The following GRM1 variants were observed in gnomAD, a reference collection of about 807,000 sequenced individuals.
The protein encoded by GRM1 is glutamate metabotropic receptor 1, also known as metabotropic glutamate receptor 1.
A neutral mutation model predicts 90.9 loss-of-function variants in GRM1; 33 were observed. That is an observed-to-expected ratio of 0.36 (90% CI 0.28 to 0.49). The LOEUF is 0.49. GRM1 is among the 20% of genes least tolerant of loss of function. The pLI, the probability that GRM1 is intolerant of heterozygous loss-of-function variation, is 0.99. For synonymous variants in GRM1, 700 were observed against 613.2 expected (o/e 1.14, Z -2.09); for missense variants, 1,190 against 1,534.3 (o/e 0.78, Z 3.75).
At chr6:146,351,288 A>C (rs953561710) in intron 3 of GRM1, among the ~76,000 whole-genome samples, 2 of 152,266 alleles carry the variant, frequency 1.3e-5, no homozygotes, top group Non-Finnish European at 2.9e-5. Flanking sequence ...ACCCCCTACT[A>C]TCAGTCAAAT....
At chr6:146,083,143 T>C (rs1776420760) in intron 1 of GRM1, among the ~76,000 whole-genome samples, 1 of 152,186 alleles carries the variant, frequency 6.6e-6, no homozygotes, top group African/African-American at 2.4e-5. Context: ...TGGGCTGAGA[T>C]GATGGTGTTT....
chr6:146,317,993 A>C (rs1019074585), intron 3 of GRM1, among the ~76,000 whole-genome samples: 1 of 152,196 alleles, frequency 6.6e-6, no homozygotes, highest in Non-Finnish European at 1.5e-5. Context: ...GGAATCTTTA[A>C]AATTTTAAAC....
rs1778630309 is a variant in GRM1, at chr6:146,437,505, T to C, written c.*2709T>C. 1 of 152,660 alleles carries C rather than the reference T, an allele frequency of 6.6e-6. No individual in the cohort carries two copies. The highest frequency in any genetic ancestry group is 2.4e-5 in the African/African-American group (1 of 41,464). The allele number at this position is 152,660 out of a possible 1,614,324, so 9.5% of individuals were successfully genotyped here. A position where few individuals can be genotyped will look rare whatever the true frequency, so the allele number is the denominator to read the frequency against. On this transcript the variant is annotated 3_prime_UTR_variant, in exon 8 of 8. Transcript: ENST00000282753. The stretch of plus-strand genomic sequence containing the variant: ...TTGATGTATGTTCTGATACAAGTTG[T>C]TCAGCTTCTTGTAAATGTGTTTTCC...
chr6:146,285,431 A>G (rs544640388), intron 2 of GRM1, among the ~76,000 whole-genome samples: 34 of 152,304 alleles, frequency 2.2e-4, no homozygotes, highest in Admixed American at 1.5e-3. Flanking sequence ...CCTGTAGTCT[A>G]GACTGATTTG....
chr6:146,293,703 C>T (rs1451403378), intron 2 of GRM1, among the ~76,000 whole-genome samples: 1 of 151,682 alleles, frequency 6.6e-6, no homozygotes, highest in East Asian at 1.9e-4. Context: ...GTTCTATGAA[C>T]ACTTGTTAAA....
intron 1 of GRM1, among the ~76,000 whole-genome samples, chr6:146,134,895 G>A (rs572896792): frequency 1.3e-5 from 2 of 152,062 alleles, no homozygotes; most frequent in Admixed American, 1.3e-4. Flanking sequence ...GGCACCACTG[G>A]ACTCCAGTCT....
intron 1 of GRM1, among the ~76,000 whole-genome samples, chr6:146,125,063 A>G (rs1432810717): frequency 6.6e-6 from 1 of 152,114 alleles, no homozygotes; most frequent in African/African-American, 2.4e-5. Flanking sequence ...TGTCACTCCA[A>G]ATAGGTTTGA....
At chr6:146,432,433 A>G (rs1778448449) in intron 7 of GRM1, among the ~76,000 whole-genome samples, 1 of 152,222 alleles carries the variant, frequency 6.6e-6, no homozygotes, top group Non-Finnish European at 1.5e-5. Flanking sequence ...TGATGCTCAC[A>G]TATAATTTTT....
intron 1 of GRM1, among the ~76,000 whole-genome samples, chr6:146,142,485 A>G (rs548716653): frequency 1.6e-4 from 25 of 152,228 alleles, no homozygotes; most frequent in African/African-American, 5.8e-4. Flanking sequence ...CTTCAGGGTG[A>G]TGAGTTCCCC....
intron 5 of GRM1, among the ~76,000 whole-genome samples, chr6:146,371,371 G>T (rs1028420): frequency 0.43 from 65,890 of 151,678 alleles, 14,433 homozygotes; most frequent in African/African-American, 0.5. Context: ...TATTTATGGG[G>T]TACATGAGAT....
At chr6:146,258,922 TA>T (rs1228813479) in intron 2 of GRM1, among the ~76,000 whole-genome samples, 1 of 152,160 alleles carries the variant, frequency 6.6e-6, no homozygotes, top group Non-Finnish European at 1.5e-5. Context: ...ATTGAAATAA[TA>T]GATATACATT....
chr6:146,288,609 G>T (rs926931543), intron 2 of GRM1, among the ~76,000 whole-genome samples: 1 of 152,000 alleles, frequency 6.6e-6, no homozygotes, highest in Non-Finnish European at 1.5e-5. Context: ...GGGTTCAAGC[G>T]ATTCTCCTGC....
chr6:146,052,259 T>C (rs560937773), intron 1 of GRM1, among the ~76,000 whole-genome samples: 12 of 152,194 alleles, frequency 7.9e-5, no homozygotes, highest in African/African-American at 2.9e-4. Context: ...ATTTTCTTAG[T>C]CATTTATGGG....
At chr6:146,045,090 G>A (rs1037579048) in intron 1 of GRM1, among the ~76,000 whole-genome samples, 9 of 151,930 alleles carry the variant, frequency 5.9e-5, no homozygotes, top group African/African-American at 2.2e-4. Flanking sequence ...ACAGTGTATT[G>A]TAGATGCTTT....
chr6:146,407,519 T>A (rs1777388706), intron 7 of GRM1, among the ~76,000 whole-genome samples: 1 of 152,222 alleles, frequency 6.6e-6, no homozygotes, highest in African/African-American at 2.4e-5. Flanking sequence ...TAAACTTGTA[T>A]AGTCAATGCA....
intron 2 of GRM1, among the ~76,000 whole-genome samples, chr6:146,302,811 A>T (rs892072791): frequency 1.3e-5 from 2 of 151,972 alleles, no homozygotes; most frequent in African/African-American, 4.8e-5. Context: ...GCACACAGTG[A>T]CTGCTAGGAA....
chr6:146,317,832 G>T (rs773256694), intron 3 of GRM1, among the ~76,000 whole-genome samples: 3 of 152,088 alleles, frequency 2.0e-5, no homozygotes, highest in Non-Finnish European at 4.4e-5. Flanking sequence ...AGCAAGTTTT[G>T]TAGTCAAGCC....
intron 2 of GRM1, among the ~76,000 whole-genome samples, chr6:146,244,533 A>G (rs539831121): frequency 6.6e-6 from 1 of 152,168 alleles, no homozygotes; most frequent in Non-Finnish European, 1.5e-5. Flanking sequence ...CACTGTTACA[A>G]ATAAAAAGAA....
chr6:146,108,999 G>C (rs1298326389), intron 1 of GRM1, among the ~76,000 whole-genome samples: 1 of 152,166 alleles, frequency 6.6e-6, no homozygotes, highest in Non-Finnish European at 1.5e-5. Flanking sequence ...GGTGACTTGG[G>C]TGCTGTTAAA....
Sources: allele counts gnomAD v4.1 joint callset (sites outside exome capture counted in the v4.1 genomes callset), GRCh38; gene constraint gnomAD v4.1.1; transcripts MANE v1.5; gene names NCBI Gene and HGNC (gene_info 2026-07-23, HGNC 2026-07-21).